The following SLCO1C1 variants were observed in gnomAD, a reference collection of about 807,000 sequenced individuals.
SLCO1C1 encodes the protein solute carrier organic anion transporter family member 1C1, also known as OAT-RP-5.
Under a neutral mutation model 76.4 loss-of-function variants are expected in SLCO1C1, and 70 were observed. The observed-to-expected ratio is 0.92, with a 90% CI of 0.76 to 1.12. The LOEUF is 1.12. Ranked by LOEUF, SLCO1C1 falls within the 50% of genes most tolerant of loss-of-function variation. SLCO1C1 has a pLI of 0.00. For synonymous variants in SLCO1C1, 306 were observed against 286.1 expected, an observed-to-expected ratio of 1.07 and a Z score of -0.70; for missense variants, 912 against 823.8, an observed-to-expected ratio of 1.11 and a Z score of -1.31.
chr12:20,718,812 T>C (rs1428901808), intron 7 of SLCO1C1, among the ~76,000 whole-genome samples: 1 of 152,180 alleles, frequency 6.6e-6, no homozygotes, highest in Non-Finnish European at 1.5e-5. Flanking sequence ...TTGAAAATCA[T>C]GAAGCCTATT....
chr12:20,715,393 C>A (rs1947316697), intron 6 of SLCO1C1, 108 bp downstream of exon 6: 3 of 1,242,954 alleles, frequency 2.4e-6, no homozygotes, highest in Non-Finnish European at 3.3e-6. Context: ...TACTTCATAT[C>A]CAACTCCTTT....
At chr12:20,747,736 AT>A (rs899345250) in intron 13 of SLCO1C1, among the ~76,000 whole-genome samples, 2 of 152,092 alleles carry the variant, frequency 1.3e-5, no homozygotes, top group African/African-American at 4.8e-5. Flanking sequence ...TTAATTCAAA[AT>A]TTTCTGCTCT....
At chr12:20,719,792 G>A (rs1410591752) in intron 7 of SLCO1C1, among the ~76,000 whole-genome samples, 2 of 152,206 alleles carry the variant, frequency 1.3e-5, no homozygotes, top group African/African-American at 4.8e-5. Context: ...ACACAAAAGT[G>A]CAAGGTGAAG....
intron 7 of SLCO1C1, among the ~76,000 whole-genome samples, chr12:20,720,854 G>T (rs567318592): frequency 2.6e-5 from 4 of 151,964 alleles, no homozygotes; most frequent in African/African-American, 9.7e-5. Flanking sequence ...AAAATTAGCC[G>T]GGCGTGGTGG....
chr12:20,698,518 T>C (rs961922367), intron 1 of SLCO1C1, among the ~76,000 whole-genome samples: 1 of 152,022 alleles, frequency 6.6e-6, no homozygotes, highest in African/African-American at 2.4e-5. Context: ...AAAGTATGAA[T>C]TGAAATGGTG....
intron 2 of SLCO1C1, among the ~76,000 whole-genome samples, chr12:20,700,428 G>A (rs575890075): frequency 6.6e-6 from 1 of 151,526 alleles, no homozygotes; most frequent in Admixed American, 6.6e-5. Flanking sequence ...GCTATTTAGT[G>A]ATAGAAGTTT....
intron 10 of SLCO1C1, among the ~76,000 whole-genome samples, chr12:20,736,517 G>A (rs11045422): frequency 6.6e-6 from 1 of 151,910 alleles, no homozygotes; most frequent in African/African-American, 2.4e-5. Context: ...TATACACTGG[G>A]AGGATACACA....
chr12:20,748,194 A>C (rs1949134798), intron 13 of SLCO1C1, among the ~76,000 whole-genome samples: 2 of 152,178 alleles, frequency 1.3e-5, no homozygotes, highest in Admixed American at 1.3e-4. Flanking sequence ...TATATCTCTA[A>C]AATCTTTTTT....
At chr12:20,737,672 G>C (rs1398757702) in intron 11 of SLCO1C1, among the ~76,000 whole-genome samples, 2 of 152,110 alleles carry the variant, frequency 1.3e-5, no homozygotes, top group Non-Finnish European at 2.9e-5. Context: ...GCCAGTATTA[G>C]GAGGCTTAGC....
chr12:20,717,191 T>A lies in SLCO1C1; in HGVS notation c.736T>A (p.Cys246Ser). ...CTTTGGTTTCCTGTTAGGCTCATTA[T>A]GTGCCAAACTATATGTTGACATTGG... ...PIFGFLLGSL[C>S]AKLYVDIGFV... The change falls in exon 7 of 15, where the codon TGT becomes AGT. Residue 246 changes from cysteine (C) to serine (S), a missense_variant. Cys to Ser is a moderately radical substitution (Grantham distance 112). Coordinates refer to ENST00000266509, the MANE Select transcript of SLCO1C1 (RefSeq NM_017435.5). 1.3e-6 allele frequency: 2 copies of A among 1,600,006 alleles called. No homozygotes were observed. The highest frequency in any genetic ancestry group is 1.7e-6 in the Non-Finnish European group (2 of 1,175,690).
chr12:20,738,147 G>C (rs926386848), intron 11 of SLCO1C1, among the ~76,000 whole-genome samples: 10 of 151,988 alleles, frequency 6.6e-5, no homozygotes, highest in Admixed American at 4.6e-4. Flanking sequence ...CCTCCTAAAT[G>C]CTTTACTCCA....
At chr12:20,725,386 A>G (rs1202914593) in intron 9 of SLCO1C1, among the ~76,000 whole-genome samples, 1 of 136,402 alleles carries the variant, frequency 7.3e-6, no homozygotes, top group East Asian at 2.0e-4. Flanking sequence ...AATATAGTAT[A>G]ATATATGATA....
At chr12:20,713,330 C>T (rs963013270) in intron 5 of SLCO1C1, among the ~76,000 whole-genome samples, 6 of 152,066 alleles carry the variant, frequency 3.9e-5, no homozygotes, top group Non-Finnish European at 5.9e-5. Flanking sequence ...CCGCCCGCCT[C>T]GGCCTCCCAA....
chr12:20,750,949 T>C, intron 14 of SLCO1C1, 157 bp downstream of exon 14: 2 of 1,362,548 alleles, frequency 1.5e-6, no homozygotes, highest in Non-Finnish European at 2.0e-6. Context: ...ATAATTATAT[T>C]ATTATTTGAT....
intron 9 of SLCO1C1, among the ~76,000 whole-genome samples, chr12:20,728,267 G>A (rs187332893): frequency 1.5e-3 from 222 of 152,234 alleles, no homozygotes; most frequent in Non-Finnish European, 2.5e-3. Context: ...TTATTGAATA[G>A]GGAGTCCTTT....
At chr12:20,700,516 G>A (rs568732724) in intron 2 of SLCO1C1, among the ~76,000 whole-genome samples, 9 of 150,768 alleles carry the variant, frequency 6.0e-5, no homozygotes, top group South Asian at 2.1e-4. Flanking sequence ...TGTTACATAC[G>A]TATACATGTG....
At chr12:20,718,192 T>C (rs1947477405) in intron 7 of SLCO1C1, among the ~76,000 whole-genome samples, 1 of 152,148 alleles carries the variant, frequency 6.6e-6, no homozygotes, top group Non-Finnish European at 1.5e-5. Context: ...CGATGAGCAG[T>C]ACAGAGGAAA....
chr12:20,726,369 A>C (rs1947995572), intron 9 of SLCO1C1, among the ~76,000 whole-genome samples: 1 of 152,034 alleles, frequency 6.6e-6, no homozygotes, highest in Admixed American at 6.6e-5. Flanking sequence ...CATACCATGG[A>C]GGGGTAAATA....
chr12:20,710,005 G>C (rs11045399), intron 4 of SLCO1C1, among the ~76,000 whole-genome samples: 1 of 149,182 alleles, frequency 6.7e-6, no homozygotes, highest in Admixed American at 6.8e-5. Context: ...TATAAAACCT[G>C]TAACCCTCTT....
Sources: gnomAD v4.1 joint callset for allele counts (sites outside exome capture counted in the v4.1 genomes callset) on GRCh38, gnomAD v4.1.1 for gene constraint, MANE v1.5 for transcripts, NCBI Gene and HGNC (gene_info 2026-07-23, HGNC 2026-07-21) for gene names.